MET: variants seen among roughly 807,000 people sequenced by gnomAD.
The protein encoded by MET is MET proto-oncogene, receptor tyrosine kinase.
A neutral mutation model predicts 133.1 loss-of-function variants in MET; 48 were observed. That is an observed-to-expected ratio of 0.36 (90% CI 0.29 to 0.46). The LOEUF (loss-of-function observed/expected upper bound fraction) is 0.46, where lower values mean the gene tolerates loss of function less well. Among genes scored for constraint, MET ranks in the 20% least tolerant of loss-of-function variants. MET has a pLI of 1.00. For missense variants in MET, 1,442 were observed against 1,695.9 expected (o/e 0.85, Z 2.63); for synonymous variants, 628 against 616.5 (o/e 1.02, Z -0.28).
intron 9 of MET, among the ~76,000 whole-genome samples, chr7:116,759,146 T>C (rs889411033): frequency 3.9e-5 from 6 of 152,208 alleles, no homozygotes; most frequent in Non-Finnish European, 8.8e-5. Flanking sequence ...AGGTGAAATA[T>C]TTATTTTGTG....
chr7:116,774,747 A>G, intron 14 of MET, 134 bp from the exon 15 acceptor site: 1 of 705,682 alleles, frequency 1.4e-6, no homozygotes, highest in Non-Finnish European at 2.4e-6. Context: ...ATGCTTGTAT[A>G]TATAACTTAG....
At chr7:116,674,290 A>G (rs1796077093) in intron 1 of MET, among the ~76,000 whole-genome samples, 1 of 152,236 alleles carries the variant, frequency 6.6e-6, no homozygotes, top group Non-Finnish European at 1.5e-5. Context: ...ACGAAAGCTC[A>G]TAACTAATAT....
rs547248517 is a variant in MET at position 116,744,835 on chromosome 7, G to A, written c.1701+3810G>A. Reference sequence around the variant, plus strand: ...AAGGGAAGCCCATCAGACTAACAGTGGATCTCTCTGCAGAAACCCTACAAG... The same window carrying A: ...AAGGGAAGCCCATCAGACTAACAGTAGATCTCTCTGCAGAAACCCTACAAG... On this transcript the variant is annotated intron_variant, in intron 5 of 20. Coordinates refer to ENST00000397752, the MANE Select transcript of MET (RefSeq NM_000245.4). Among the ~76,000 whole-genome samples, 258 of 152,248 alleles carry A rather than the reference G, an allele frequency of 1.7e-3. 2 individuals carry two copies. Among genetic ancestry groups the A allele is most frequent in the African/African-American group, 5.9e-3 (245 of 41,514 alleles).
intron 2 of MET, among the ~76,000 whole-genome samples, chr7:116,716,851 C>T (rs546492365): frequency 6.6e-6 from 1 of 151,592 alleles, no homozygotes; most frequent in Non-Finnish European, 1.5e-5. Context: ...GCTGGCTGGC[C>T]GGATGCCTGC....
chr7:116,779,435 C>T (rs1352353948), intron 17 of MET, among the ~76,000 whole-genome samples: 3 of 152,210 alleles, frequency 2.0e-5, no homozygotes, highest in South Asian at 4.1e-4. Context: ...CAAATAGCCA[C>T]GTATCTCACT....
rs763532683 is a variant in MET, at chr7:116,755,322, G to A, written c.1702-33G>A. 3.7e-6 allele frequency: 6 copies of A among 1,610,646 alleles called. No homozygotes were observed. The Admixed American group carries it at 5.0e-5, about 13-fold the overall frequency. On this transcript the variant is annotated intron_variant, in intron 5 of 20. Transcript: ENST00000397752. ...ATATGTGAAAAATTATAATATATTG[G>A]GTTTTTTTAAAAGTTCTATGTTGTC... is the stretch of plus-strand genomic sequence containing the variant.
intron 15 of MET, among the ~76,000 whole-genome samples, chr7:116,776,068 TG>T (rs1312322680): frequency 6.6e-6 from 1 of 152,046 alleles, no homozygotes; most frequent in Non-Finnish European, 1.5e-5. Flanking sequence ...TTCTTCTTGT[TG>T]TTTTTTTTTT....
At chr7:116,772,344 C>T (rs989881732) in intron 14 of MET, among the ~76,000 whole-genome samples, 9 of 152,174 alleles carry the variant, frequency 5.9e-5, no homozygotes, top group African/African-American at 2.2e-4. Flanking sequence ...TAAGTTGGAA[C>T]TGCTACATTT....
intron 6 of MET, among the ~76,000 whole-genome samples, chr7:116,756,798 G>A (rs944044768): frequency 1.3e-5 from 2 of 152,144 alleles, no homozygotes; most frequent in African/African-American, 4.8e-5. Flanking sequence ...TGCATCTGAA[G>A]TGGACCAAAG....
In MET at chr7:116,672,529, T is replaced by C; in HGVS notation, c.-63T>C. Reference sequence around the variant, plus strand: ...GAGGCGGGGAGGCGCGGAGCGCGCGTGTGGTCCTTGCGCCGCTGACTTCTC... The same window carrying C: ...GAGGCGGGGAGGCGCGGAGCGCGCGCGTGGTCCTTGCGCCGCTGACTTCTC... On this transcript the variant is annotated 5_prime_UTR_variant, in exon 1 of 21. Coordinates refer to ENST00000397752, the MANE Select transcript of MET (RefSeq NM_000245.4). 1 of 397,610 alleles carries C rather than the reference T, an allele frequency of 2.5e-6. No homozygotes were observed. The highest frequency in any genetic ancestry group is 1.3e-4 in the South Asian group (1 of 7,866). The allele number at this position is 397,610 out of a possible 1,614,324, so 24.6% of individuals were successfully genotyped here. A position where few individuals can be genotyped will look rare whatever the true frequency, so the allele number is the denominator to read the frequency against.
chr7:116,740,727 A>G (rs1793411050), intron 4 of MET, 125 bp from the exon 5 acceptor site: 1 of 1,175,686 alleles, frequency 8.5e-7, no homozygotes, highest in East Asian at 2.4e-5. Flanking sequence ...ATTTGCACAC[A>G]TAGTTGCTAA....
chr7:116,687,253 G>T (rs1055989862), intron 1 of MET, among the ~76,000 whole-genome samples: 2 of 152,168 alleles, frequency 1.3e-5, no homozygotes, highest in Non-Finnish European at 2.9e-5. Context: ...TTGTTTTCAG[G>T]TTGTCCTAAC....
intron 18 of MET, 128 bp downstream of exon 18, chr7:116,782,225 T>A: frequency 1.4e-6 from 1 of 731,594 alleles, no homozygotes. Context: ...GTTACAATCT[T>A]AAATCGATGT....
intron 1 of MET, among the ~76,000 whole-genome samples, chr7:116,680,976 T>G (rs1450801067): frequency 6.6e-6 from 1 of 151,886 alleles, no homozygotes; most frequent in Non-Finnish European, 1.5e-5. Context: ...TGGAATAAAG[T>G]AAAGCTCATG....
intron 3 of MET, among the ~76,000 whole-genome samples, chr7:116,737,327 C>T (rs188505702): frequency 2.6e-5 from 4 of 152,356 alleles, no homozygotes; most frequent in Admixed American, 6.5e-5. Flanking sequence ...CTTAGGCACA[C>T]TTAACTTGTG....
chr7:116,769,007 C>T (rs538646878), intron 11 of MET, among the ~76,000 whole-genome samples: 81 of 152,250 alleles, frequency 5.3e-4, no homozygotes, highest in African/African-American at 1.9e-3. Context: ...AATAGTCATA[C>T]AGCATCTCAC....
chr7:116,783,248 A>G (rs2117064518), intron 18 of MET, 56 bp from the exon 19 acceptor site: 1 of 1,599,562 alleles, frequency 6.3e-7, no homozygotes, highest in South Asian at 1.1e-5. Flanking sequence ...GATATTCAGC[A>G]TCATTGTAAA....
intron 14 of MET, among the ~76,000 whole-genome samples, chr7:116,774,165 C>T (rs1016522847): frequency 2.6e-5 from 4 of 152,140 alleles, no homozygotes; most frequent in African/African-American, 7.2e-5. Flanking sequence ...AAAAAATTCT[C>T]CTTGCAAAAG....
Position 116,777,272 on chromosome 7 carries a change from A to T in MET, c.3260-117A>T, listed in dbSNP as rs1465955052. ...ATTGTTAAAAGTATTTTTTAAATGT[A>T]CTCTTTTGCTGTATAGAAAGAAGAA... is the stretch of plus-strand genomic sequence containing the variant. On this transcript the variant is annotated intron_variant, in intron 15 of 20. Coordinates refer to ENST00000397752, the MANE Select transcript of MET (RefSeq NM_000245.4). 4 of 872,034 alleles carry T rather than the reference A, an allele frequency of 4.6e-6. No individual in the cohort carries two copies. In the African/African-American group the frequency reaches 6.8e-5, roughly 15 times the overall value. 54.0% of individuals were successfully genotyped at this position (872,034 alleles called of 1,614,324 possible).
Sources: allele counts gnomAD v4.1 joint callset (sites outside exome capture counted in the v4.1 genomes callset), GRCh38; gene constraint gnomAD v4.1.1; transcripts MANE v1.5; gene names NCBI Gene and HGNC (gene_info 2026-07-23, HGNC 2026-07-21).